BLTP1: variants seen among roughly 807,000 people sequenced by gnomAD.
BLTP1 encodes the protein fragile site-associated protein.
chr4:122,196,522 T>G, the BLTP1 span: 1 of 810,408 alleles, frequency 1.2e-6, no homozygotes. Context: ...ACAGTCTAAT[T>G]GTCAAATGTG....
the BLTP1 span, chr4:122,325,955 T>G: frequency 3.4e-4 from 199 of 579,098 alleles, no homozygotes; most frequent in South Asian, 4.8e-4. Context: ...GCTTTAAAAC[T>G]AATCAACCAC....
the BLTP1 span, chr4:122,339,410 TATAG>T: frequency 6.2e-7 from 1 of 1,606,398 alleles, no homozygotes; most frequent in Non-Finnish European, 8.5e-7. Context: ...GAATACCAGG[TATAG>T]ATAATGTTCT....
At chr4:122,188,757 A>G in the BLTP1 span, among the ~76,000 whole-genome samples, 42 of 152,048 alleles carry the variant, frequency 2.8e-4, no homozygotes, top group Non-Finnish European at 5.3e-4. Context: ...GTGTGTGTAA[A>G]GGATACTCTG....
chr4:122,164,380 G>A, the BLTP1 span: 2 of 984,004 alleles, frequency 2.0e-6, no homozygotes, highest in Middle Eastern at 5.2e-4. Context: ...CAGTATGTGA[G>A]TGCCCAGAAT....
the BLTP1 span, chr4:122,262,850 A>G: frequency 1.7e-4 from 277 of 1,613,902 alleles, no homozygotes; most frequent in Admixed American, 2.8e-4. Context: ...CTGGGATGCC[A>G]GTAAAGGACA....
chr4:122,354,530 T>C, the BLTP1 span, among the ~76,000 whole-genome samples: 1 of 151,996 alleles, frequency 6.6e-6, no homozygotes, highest in Non-Finnish European at 1.5e-5. Context: ...GTGGTCATGA[T>C]AACTTATTTT....
chr4:122,241,857 T>G, the BLTP1 span, among the ~76,000 whole-genome samples: 1 of 152,138 alleles, frequency 6.6e-6, no homozygotes, highest in Non-Finnish European at 1.5e-5. Context: ...GTATTTTAAA[T>G]AAATCTTTCT....
the BLTP1 span, chr4:122,203,925 T>C: frequency 7.5e-6 from 3 of 398,280 alleles, no homozygotes; most frequent in Non-Finnish European, 6.8e-6. Flanking sequence ...TTTCTTCAAA[T>C]AAGTAGTAAT....
At chr4:122,229,096 G>T in the BLTP1 span, 4 of 1,551,178 alleles carry the variant, frequency 2.6e-6, no homozygotes, top group Non-Finnish European at 3.5e-6. Flanking sequence ...TGATGATTTA[G>T]ATGTACAATC....
At chr4:122,325,385 T>C in the BLTP1 span, 2 of 1,522,504 alleles carry the variant, frequency 1.3e-6, no homozygotes, top group African/African-American at 1.4e-5. Context: ...TACAAAATTA[T>C]GGTATTATAC....
the BLTP1 span, among the ~76,000 whole-genome samples, chr4:122,358,088 G>T: frequency 6.6e-6 from 1 of 152,112 alleles, no homozygotes; most frequent in Non-Finnish European, 1.5e-5. Context: ...TATATAAGTA[G>T]ATAAAATCTT....
the BLTP1 span, among the ~76,000 whole-genome samples, chr4:122,162,896 T>C: frequency 6.6e-6 from 1 of 152,230 alleles, no homozygotes; most frequent in Non-Finnish European, 1.5e-5. Context: ...TCTTTCTCTG[T>C]TGTTCCTGTT....
At chr4:122,358,333 A>G in the BLTP1 span, among the ~76,000 whole-genome samples, 1 of 152,188 alleles carries the variant, frequency 6.6e-6, no homozygotes, top group African/African-American at 2.4e-5. Flanking sequence ...AACTACGTGT[A>G]TTTCTAAAAA....
the BLTP1 span, among the ~76,000 whole-genome samples, chr4:122,216,451 G>A: frequency 6.6e-6 from 1 of 152,020 alleles, no homozygotes; most frequent in African/African-American, 2.4e-5. Context: ...TTAAATTATG[G>A]CCATTCTTGC....
At chr4:122,196,692 A>C in the BLTP1 span, 1 of 1,611,850 alleles carries the variant, frequency 6.2e-7, no homozygotes, top group Non-Finnish European at 8.5e-7. Flanking sequence ...AAGTTTCTGA[A>C]ATTGCACAGC....
chr4:122,223,008 AATT>A, the BLTP1 span: 2 of 918,618 alleles, frequency 2.2e-6, no homozygotes, highest in Non-Finnish European at 2.6e-6. Flanking sequence ...TTATACTGAG[AATT>A]ATTGAGTCTC....
chr4:122,271,500 G>T, the BLTP1 span: 1 of 1,613,446 alleles, frequency 6.2e-7, no homozygotes, highest in African/African-American at 1.3e-5. Context: ...AATTCATTAG[G>T]AAGATCTGAA....
chr4:122,308,640 G>A, the BLTP1 span, among the ~76,000 whole-genome samples: 1 of 151,960 alleles, frequency 6.6e-6, no homozygotes, highest in East Asian at 1.9e-4. Flanking sequence ...ACATAAACCA[G>A]GAATTTTCTC....
chr4:122,250,708 A>G, the BLTP1 span: 1 of 894,222 alleles, frequency 1.1e-6, no homozygotes, highest in Non-Finnish European at 1.7e-6. Context: ...TATCTGCTTA[A>G]ATGTTAGTCA....
Sources: gnomAD v4.1 joint callset for allele counts (sites outside exome capture counted in the v4.1 genomes callset) on GRCh38, gnomAD v4.1.1 for gene constraint, MANE v1.5 for transcripts, NCBI Gene and HGNC (gene_info 2026-07-23, HGNC 2026-07-21) for gene names.